PRORP: variants seen among roughly 807,000 people sequenced by gnomAD.
PRORP encodes the protein mitochondrial ribonuclease P catalytic subunit.
PRORP carries 51 observed loss-of-function variants against 59.4 expected under a neutral mutation model. The ratio of observed to expected loss-of-function variants is 0.86; its 90% CI spans 0.69 to 1.08. The LOEUF (loss-of-function observed/expected upper bound fraction) is 1.08. Ranked by LOEUF, PRORP falls within the 50% of genes least tolerant of loss-of-function variation. PRORP has a pLI of 0.00. For synonymous variants in PRORP, 231 were observed against 245.6 expected (o/e 0.94, Z 0.55); for missense variants, 646 against 690.3 (o/e 0.94, Z 0.72).
chr14:35,177,647 A>G (rs2048487816), intron 4 of PRORP, among the ~76,000 whole-genome samples: 1 of 151,738 alleles, frequency 6.6e-6, no homozygotes, highest in South Asian at 2.1e-4. Context: ...CTTCTTTATT[A>G]GTCTTTCTAG....
chr14:35,241,803 G>A (rs748884732), intron 5 of PRORP, among the ~76,000 whole-genome samples: 12 of 152,058 alleles, frequency 7.9e-5, no homozygotes, highest in African/African-American at 1.4e-4. Context: ...TCAACATACC[G>A]TAACATTTCA....
At chr14:35,148,190 CTT>C (rs1739955721) in intron 4 of PRORP, among the ~76,000 whole-genome samples, 1 of 152,240 alleles carries the variant, frequency 6.6e-6, no homozygotes, top group East Asian at 1.9e-4. Context: ...TTTCCGTTGA[CTT>C]TGCCCAAATC....
chr14:35,260,171 C>T (rs991232475), intron 5 of PRORP, among the ~76,000 whole-genome samples: 1 of 151,632 alleles, frequency 6.6e-6, no homozygotes, highest in Non-Finnish European at 1.5e-5. Context: ...ACCACCATCC[C>T]CAACTAATGT....
intron 5 of PRORP, among the ~76,000 whole-genome samples, chr14:35,240,570 T>C (rs779159834): frequency 3.3e-5 from 5 of 152,230 alleles, no homozygotes; most frequent in East Asian, 1.9e-4. Context: ...TGGACTAGCA[T>C]GTAGGATCAC....
Position 35,173,472 on chromosome 14 carries a change from A to G in PRORP, c.1168-7198A>G, listed in dbSNP as rs745413644. Among the ~76,000 whole-genome samples the G allele has an allele frequency of 1.3e-4, 20 of 152,102 alleles. 1 individual carries two copies. Among genetic ancestry groups the G allele is most frequent in the Non-Finnish European group, 2.5e-4 (17 of 68,040 alleles). On this transcript the variant is annotated intron_variant, in intron 4 of 7. Coordinates refer to ENST00000534898, the MANE Select transcript of PRORP (RefSeq NM_014672.4). ...GCTGGGCTTCTTGGAATCTTCTCCA[A>G]GCATGTGCAGATCATGTTTTACCCA...
intron 4 of PRORP, among the ~76,000 whole-genome samples, chr14:35,178,717 T>C (rs1159955607): frequency 6.6e-6 from 1 of 151,922 alleles, no homozygotes; most frequent in Non-Finnish European, 1.5e-5. Context: ...ACTGTGTCTT[T>C]TAATTGGAGC....
chr14:35,258,271 C>T (rs143336676), intron 5 of PRORP, among the ~76,000 whole-genome samples: 177 of 152,264 alleles, frequency 1.2e-3, no homozygotes, highest in Middle Eastern at 3.4e-3. Flanking sequence ...GGATTACAGG[C>T]ATGAGCCACC....
At chr14:35,252,643 C>G (rs2050644522) in intron 5 of PRORP, among the ~76,000 whole-genome samples, 1 of 152,124 alleles carries the variant, frequency 6.6e-6, no homozygotes, top group Non-Finnish European at 1.5e-5. Flanking sequence ...CTGCAGTCAG[C>G]TCCTGCTCCC....
chr14:35,219,209 C>T (rs1237525503), intron 5 of PRORP: 2 of 152,236 alleles, frequency 1.3e-5, no homozygotes, highest in Non-Finnish European at 2.9e-5. Context: ...TCCATACAGT[C>T]TGCGACCACT....
chr14:35,254,778 C>G (rs907884063), intron 5 of PRORP, among the ~76,000 whole-genome samples: 1 of 152,188 alleles, frequency 6.6e-6, no homozygotes, highest in South Asian at 2.1e-4. Flanking sequence ...CCCCTGGGAT[C>G]TAACCCTTGC....
chr14:35,125,156 C>T (rs375874572), intron 2 of PRORP, among the ~76,000 whole-genome samples: 2 of 152,106 alleles, frequency 1.3e-5, no homozygotes, highest in East Asian at 1.9e-4. Context: ...CCACCGCGTC[C>T]GGCCTATTCT....
chr14:35,238,271 A>C (rs2050271431), intron 5 of PRORP, among the ~76,000 whole-genome samples: 1 of 152,192 alleles, frequency 6.6e-6, no homozygotes, highest in South Asian at 2.1e-4. Flanking sequence ...ACCGTGCCGC[A>C]CTATCATGCC....
At chr14:35,259,142 G>A (rs898657240) in intron 5 of PRORP, among the ~76,000 whole-genome samples, 2 of 152,108 alleles carry the variant, frequency 1.3e-5, no homozygotes, top group African/African-American at 4.8e-5. Flanking sequence ...CTGTTGTTTG[G>A]TACACACATT....
intron 5 of PRORP, among the ~76,000 whole-genome samples, chr14:35,256,370 C>T (rs1230843736): frequency 9.1e-6 from 1 of 109,958 alleles, no homozygotes; most frequent in Non-Finnish European, 1.7e-5. Context: ...CTTGCTCTGT[C>T]GCCCAGGCTG....
At chr14:35,206,634 C>G (rs2049301763) in intron 5 of PRORP, among the ~76,000 whole-genome samples, 1 of 152,174 alleles carries the variant, frequency 6.6e-6, no homozygotes, top group Middle Eastern at 3.2e-3. Flanking sequence ...AGTCTATAGA[C>G]TAGCAACATC....
chr14:35,188,961 A>AAAAAGAAAGAAAG lies in PRORP; in HGVS notation c.1275+8187_1275+8188insAGAAAGAAAGAAA, dbSNP rs1555326788. 7.8e-4 allele frequency among the ~76,000 whole-genome samples: 103 copies of AAAAAGAAAGAAAG among 132,732 alleles called. 5 individuals are homozygous for AAAAAGAAAGAAAG. Among genetic ancestry groups the AAAAAGAAAGAAAG allele is most frequent in the South Asian group, 1.9e-3 (8 of 4,314 alleles). 87.1% of individuals were successfully genotyped at this position (132,732 alleles called of 152,430 possible). ...CTGTCTAAAAAAAAAAAAAAAAAAA[A>AAAAAGAAAGAAAG]AAAGTATTGCCTAATCCAAGGTCAT... is the stretch of plus-strand genomic sequence containing the variant. On this transcript the variant is annotated intron_variant, in intron 5 of 7. Transcript: ENST00000534898.
At chr14:35,271,452 C>T (rs116430023) in intron 7 of PRORP, among the ~76,000 whole-genome samples, 4,564 of 152,150 alleles carry the variant, frequency 0.03, 200 homozygotes, top group African/African-American at 0.097. Flanking sequence ...CCACCATACC[C>T]GGCCATAAAT....
intron 5 of PRORP, among the ~76,000 whole-genome samples, chr14:35,241,641 C>G (rs1008568435): frequency 2.6e-5 from 4 of 152,140 alleles, no homozygotes; most frequent in African/African-American, 9.7e-5. Flanking sequence ...TACTACCACC[C>G]TTCAGAGGCT....
At chr14:35,225,570 C>T (rs1163865852) in intron 5 of PRORP, among the ~76,000 whole-genome samples, 1 of 152,098 alleles carries the variant, frequency 6.6e-6, no homozygotes, top group East Asian at 1.9e-4. Context: ...TGGTCTCGAA[C>T]TCCTGAGCTC....
Sources: gnomAD v4.1 joint callset for allele counts (sites outside exome capture counted in the v4.1 genomes callset) on GRCh38, gnomAD v4.1.1 for gene constraint, MANE v1.5 for transcripts, NCBI Gene and HGNC (gene_info 2026-07-23, HGNC 2026-07-21) for gene names.